Variants in FOXN3 observed in about 807,000 individuals in gnomAD.
The protein encoded by FOXN3 is forkhead box protein N3.
Under a neutral mutation model 38.4 loss-of-function variants are expected in FOXN3, and 7 were observed. The ratio of observed to expected loss-of-function variants is 0.18; its 90% confidence interval spans 0.10 to 0.34. The LOEUF (loss-of-function observed/expected upper bound fraction) is 0.34. Ranked by LOEUF, FOXN3 falls within the 10% of genes least tolerant of loss-of-function variation. FOXN3 has a pLI of 1.00. For missense variants in FOXN3, 456 were observed against 613.4 expected, an observed-to-expected ratio of 0.74 and a Z score of 2.71; for synonymous variants, 230 against 242.2, an observed-to-expected ratio of 0.95 and a Z score of 0.47.
At chr14:89,294,146 A>G (rs751252012) in intron 3 of FOXN3, among the ~76,000 whole-genome samples, 4 of 152,124 alleles carry the variant, frequency 2.6e-5, no homozygotes, top group Non-Finnish European at 4.4e-5. Context: ...GCCTGGGGTC[A>G]GCTCAAGTTA....
intron 1 of FOXN3, among the ~76,000 whole-genome samples, chr14:89,488,255 G>A (rs1286654021): frequency 3.3e-5 from 5 of 151,940 alleles, no homozygotes; most frequent in Non-Finnish European, 5.9e-5. Context: ...GCTAATTTTC[G>A]TACTTTTAGT....
rs1887042906 is a variant in FOXN3 at position 89,159,166 on chromosome 14, CTTG to C, written c.*3245_*3247del. ...AGAGAGGGTGCCTCCTGCCCCTTGG[CTTG>C]TTAAGGACACGGACAACCTCATTCT... is the stretch of plus-strand genomic sequence containing the variant. On this transcript the variant is annotated 3_prime_UTR_variant, in exon 6 of 6. Transcript: ENST00000557258. The C allele has an allele frequency of 6.6e-6, 1 of 152,654 alleles. No homozygotes were observed. 9.5% of individuals were successfully genotyped at this position (152,654 alleles called of 1,614,324 possible).
chr14:89,452,521 T>C (rs1235419536), intron 1 of FOXN3, among the ~76,000 whole-genome samples: 1 of 151,986 alleles, frequency 6.6e-6, no homozygotes, highest in African/African-American at 2.4e-5. Context: ...GCCATCTGGG[T>C]TAGGAAATGC....
chr14:89,534,097 ATTCT>A (rs1012787442), intron 1 of FOXN3, among the ~76,000 whole-genome samples: 2 of 133,518 alleles, frequency 1.5e-5, no homozygotes, highest in Non-Finnish European at 3.2e-5. Flanking sequence ...ATAATTATAC[ATTCT>A]TTTTTTTTTT....
chr14:89,285,639 G>A (rs1029242782), intron 3 of FOXN3, among the ~76,000 whole-genome samples: 9 of 152,116 alleles, frequency 5.9e-5, no homozygotes, highest in Non-Finnish European at 1.2e-4. Flanking sequence ...CCACATAGAA[G>A]AGGTATCTAG....
intron 2 of FOXN3, among the ~76,000 whole-genome samples, chr14:89,354,795 C>T (rs1889138465): frequency 6.6e-6 from 1 of 151,782 alleles, no homozygotes; most frequent in South Asian, 2.1e-4. Context: ...GCAGAGGTTG[C>T]AGTGAGCTGA....
At chr14:89,307,756 C>G (rs1887421224) in intron 3 of FOXN3, among the ~76,000 whole-genome samples, 1 of 152,136 alleles carries the variant, frequency 6.6e-6, no homozygotes. Flanking sequence ...CTTCCCAATC[C>G]CAACCTCAAC....
At chr14:89,359,452 T>TA (rs1171331447) in intron 2 of FOXN3, among the ~76,000 whole-genome samples, 2 of 152,332 alleles carry the variant, frequency 1.3e-5, no homozygotes, top group Non-Finnish European at 2.9e-5. Context: ...AGATTTCATC[T>TA]AAAAAAATTG....
At chr14:89,550,205 A>T (rs538257208) in intron 1 of FOXN3, among the ~76,000 whole-genome samples, 11 of 152,284 alleles carry the variant, frequency 7.2e-5, no homozygotes, top group African/African-American at 2.6e-4. Flanking sequence ...CCATCAAAAC[A>T]TCCATGTTCC....
chr14:89,543,762 G>GA (rs1894834092), intron 1 of FOXN3, among the ~76,000 whole-genome samples: 1 of 152,154 alleles, frequency 6.6e-6, no homozygotes, highest in African/African-American at 2.4e-5. Flanking sequence ...GAGAGAGACA[G>GA]AAAATATCCC....
chr14:89,205,050 T>A (rs944484712), intron 4 of FOXN3, among the ~76,000 whole-genome samples: 3 of 144,394 alleles, frequency 2.1e-5, no homozygotes, highest in Non-Finnish European at 4.4e-5. Flanking sequence ...CTCCACAGAA[T>A]TTTCTAGAAT....
At chr14:89,399,390 G>A (rs912831902) in intron 2 of FOXN3, among the ~76,000 whole-genome samples, 1 of 152,208 alleles carries the variant, frequency 6.6e-6, no homozygotes, top group East Asian at 1.9e-4. Context: ...AGGCAGAGAT[G>A]AGTGTCCACG....
intron 4 of FOXN3, among the ~76,000 whole-genome samples, chr14:89,184,731 G>C (rs1433214884): frequency 6.6e-6 from 1 of 152,162 alleles, no homozygotes; most frequent in African/African-American, 2.4e-5. Context: ...GATTGCTCTG[G>C]GGATGAAATA....
At chr14:89,177,832 G>A (rs1429655980) in intron 5 of FOXN3, among the ~76,000 whole-genome samples, 4 of 152,060 alleles carry the variant, frequency 2.6e-5, no homozygotes, top group South Asian at 2.1e-4. Flanking sequence ...TGCCCCCCAC[G>A]CAAAGGTGAG....
intron 1 of FOXN3, among the ~76,000 whole-genome samples, chr14:89,525,878 C>G (rs568235838): frequency 6.6e-6 from 1 of 152,044 alleles, no homozygotes; most frequent in South Asian, 2.1e-4. Context: ...ACAAAAAAAG[C>G]TTAGCAAATC....
intron 1 of FOXN3, among the ~76,000 whole-genome samples, chr14:89,441,611 G>T (rs149314753): frequency 1.8e-4 from 27 of 152,256 alleles, no homozygotes; most frequent in African/African-American, 6.5e-4. Flanking sequence ...TCATCCTTCC[G>T]CAGGGTTGGA....
At chr14:89,410,150 CAAACACGTCCAATTTG>C (rs1458281386) in intron 2 of FOXN3, among the ~76,000 whole-genome samples, 2 of 151,260 alleles carry the variant, frequency 1.3e-5, no homozygotes, top group Non-Finnish European at 2.9e-5. Flanking sequence ...CATTTGCACA[CAAACACGTCCAATTTG>C]AGCAAGGAGC....
At chr14:89,253,297 G>A (rs945575779) in intron 4 of FOXN3, among the ~76,000 whole-genome samples, 2 of 152,320 alleles carry the variant, frequency 1.3e-5, no homozygotes, top group Admixed American at 1.3e-4. Flanking sequence ...ATTCGCTCTA[G>A]GGCATGAAGC....
chr14:89,349,874 A>G (rs1188092319), intron 3 of FOXN3: 2 of 152,236 alleles, frequency 1.3e-5, no homozygotes, highest in African/African-American at 4.8e-5. Context: ...CAGTCCAAGG[A>G]TAATTCCTCT....
Sources: allele counts gnomAD v4.1 joint callset (sites outside exome capture counted in the v4.1 genomes callset), GRCh38; gene constraint gnomAD v4.1.1; transcripts MANE v1.5; gene names NCBI Gene and HGNC (gene_info 2026-07-23, HGNC 2026-07-21).